The following FSIP2 variants were observed in gnomAD, a reference collection of about 807,000 sequenced individuals.
FSIP2 encodes the protein fibrous sheath-interacting protein 2.
In FSIP2, 367 loss-of-function variants were observed where a neutral mutation model predicts 510.5. That is an observed-to-expected ratio of 0.72 (90% CI 0.66 to 0.78). The LOEUF (loss-of-function observed/expected upper bound fraction) is 0.78. Ranked by LOEUF, FSIP2 falls within the 30% of genes least tolerant of loss-of-function variation. FSIP2 has a pLI of 0.00. For missense variants in FSIP2, 7,594 were observed against 7,901.7 expected (o/e 0.96, Z 1.48); for synonymous variants, 2,601 against 2,732.2 (o/e 0.95, Z 1.50).
At position 185,779,077 on chromosome 2, in the gene FSIP2, T is replaced by G. The variant is rs187038272; in HGVS notation, c.1412-3628T>G. ...AGCTTCTAATCTTAGTGTTATTTGT[T>G]TAGATGCCTCTTGTAGACAATCTAC... On this transcript the variant is annotated intron_variant, in intron 13 of 22. Coordinates refer to ENST00000424728, the MANE Select transcript of FSIP2 (RefSeq NM_173651.4). 4.1e-3 allele frequency among the ~76,000 whole-genome samples: 630 copies of G among 152,116 alleles called. 3 individuals carry two copies. The highest frequency in any genetic ancestry group is 0.014 in the African/African-American group (593 of 41,552).
rs769911939 is a variant in FSIP2, at chr2:185,814,067, T to C, written c.20325+25T>C. On this transcript the variant is annotated intron_variant, in intron 18 of 22. Transcript: ENST00000424728. ...GGTAAGTGATAAGCATGACTGTTAG[T>C]GACTAGAAAGGGGAGACATCTTCAC... 11 of 1,583,594 alleles carry C rather than the reference T, an allele frequency of 6.9e-6. No individual in the cohort carries two copies. The South Asian group carries it at 8.2e-5, about 12-fold the overall frequency.
chr2:185,749,089 T>TC (rs1692092650), intron 7 of FSIP2, among the ~76,000 whole-genome samples: 1 of 152,066 alleles, frequency 6.6e-6, no homozygotes, highest in Non-Finnish European at 1.5e-5. Flanking sequence ...CATGTCAGTC[T>TC]TACACATTTT....
At chr2:185,814,433 A>G (rs1693795397) in intron 18 of FSIP2, among the ~76,000 whole-genome samples, 1 of 152,100 alleles carries the variant, frequency 6.6e-6, no homozygotes, top group Admixed American at 6.6e-5. Context: ...GGAGGAACAA[A>G]ATAAGATCCA....
rs1693554435 is a variant in FSIP2, at chr2:185,805,794, T to G, written c.16488T>G (p.Asn5496Lys). Reference protein sequence around the residue: ...DIQNPVLSSINAIMKSGMINL... With the variant: ...DIQNPVLSSIKAIMKSGMINL... ...AAAATCCAGTACTTAGCTCTATAAATGCAATTATGAAAAGCGGCATGATTA... is the reference window on the plus strand; with the variant it reads ...AAAATCCAGTACTTAGCTCTATAAAGGCAATTATGAAAAGCGGCATGATTA... Residue 5496 changes from asparagine to lysine, a missense_variant, in exon 17 of 23, where the codon AAT (asparagine) becomes AAG (lysine). Transcript: ENST00000424728. The G allele has an allele frequency of 6.2e-7, 1 of 1,603,306 alleles. No homozygotes were observed. The highest frequency in any genetic ancestry group is 8.5e-7 in the Non-Finnish European group (1 of 1,176,470).
In FSIP2 at chr2:185,789,928, C is replaced by A; in HGVS notation, c.2792C>A (p.Thr931Asn). The A allele has an allele frequency of 1.3e-6, 2 of 1,533,574 alleles. No homozygotes were observed. The highest frequency in any genetic ancestry group is 1.7e-6 in the Non-Finnish European group (2 of 1,145,086). The allele number at this position is 1,533,574 out of a possible 1,614,324, so 95.0% of individuals were successfully genotyped here. A position where few individuals can be genotyped will look rare whatever the true frequency, so the allele number is the denominator to read the frequency against. Reference sequence around the variant, plus strand: ...GAGAGAATTATTGCATCTGAAGAAACCGTAGTACTCCTTCAGCTACTTGAG... The same window carrying A: ...GAGAGAATTATTGCATCTGAAGAAAACGTAGTACTCCTTCAGCTACTTGAG... Reference protein sequence around the residue: ...NNERIIASEETVVLLQLLEDI... With the variant: ...NNERIIASEENVVLLQLLEDI... Residue 931 changes from threonine to asparagine, a missense_variant, in exon 16 of 23, where the codon ACC (threonine) becomes AAC (asparagine). Coordinates refer to ENST00000424728, the MANE Select transcript of FSIP2 (RefSeq NM_173651.4).
chr2:185,805,824 A>C lies in FSIP2; in HGVS notation c.16518A>C (p.Leu5506=), dbSNP rs544649665. ...TTATGAAAAGCGGCATGATTAACCT[A>C]ACATCAGGGTTGGCTACAGGTGTGA... is the stretch of plus-strand genomic sequence containing the variant. The part of the protein sequence containing the change: ...NAIMKSGMIN[L]TSGLATGVTN... Residue 5506 remains leucine (L), a synonymous_variant, in exon 17 of 23, where the codon CTA becomes CTC. Transcript: ENST00000424728. 5 of 1,604,538 alleles carry C rather than the reference A, an allele frequency of 3.1e-6. No homozygotes were observed. The South Asian group carries it at 5.6e-5, about 18-fold the overall frequency.
intron 9 of FSIP2, among the ~76,000 whole-genome samples, chr2:185,759,868 A>G (rs956419064): frequency 6.6e-6 from 1 of 150,542 alleles, no homozygotes; most frequent in Non-Finnish European, 1.5e-5. Context: ...TCTTGCTTAA[A>G]TATTTAGCAC....
chr2:185,811,647 G>A (rs1015533970), intron 17 of FSIP2, among the ~76,000 whole-genome samples: 1 of 152,008 alleles, frequency 6.6e-6, no homozygotes, highest in Non-Finnish European at 1.5e-5. Flanking sequence ...TGGAGAAAAG[G>A]CTTCAAAAGC....
At chr2:185,765,300 TG>T (rs2035110204) in intron 13 of FSIP2, 1 of 152,098 alleles carries the variant, frequency 6.6e-6, no homozygotes, top group Admixed American at 6.6e-5. Context: ...CCTCACTTCA[TG>T]TAGTTACTAT....
Position 185,738,988 on chromosome 2 carries a change from A to C in FSIP2, c.94A>C (p.Arg32=), listed in dbSNP as rs1348236835. ...CCTGGCCGCGGACACCCAGCAGTGC[A>C]GAGACGTGAGTGGCCGCAAGCTGGG... is the stretch of plus-strand genomic sequence containing the variant. ...SVLAADTQQC[R]DGVHKTHFAG... Residue 32 remains arginine (R), a synonymous_variant, in exon 1 of 23, where the codon AGA becomes CGA. Transcript: ENST00000424728. 6.5e-7 allele frequency: 1 copy of C among 1,532,670 alleles called. No individual in the cohort carries two copies. Among genetic ancestry groups the C allele is most frequent in the Non-Finnish European group, 8.7e-7 (1 of 1,146,256 alleles). 94.9% of individuals were successfully genotyped at this position (1,532,670 alleles called of 1,614,324 possible).
chr2:185,763,405 C>T (rs1367471597), intron 12 of FSIP2, 116 bp downstream of exon 12: 2 of 632,234 alleles, frequency 3.2e-6, no homozygotes, highest in Non-Finnish European at 5.7e-6. Context: ...ACTTTATTCC[C>T]TGAAATTAGT....
chr2:185,799,772 T>A lies in FSIP2; in HGVS notation c.10466T>A (p.Ile3489Lys). The A allele has an allele frequency of 6.6e-7, 1 of 1,523,124 alleles. No homozygotes were observed. Among genetic ancestry groups the A allele is most frequent in the Non-Finnish European group, 8.8e-7 (1 of 1,139,390 alleles). The allele number at this position is 1,523,124 out of a possible 1,614,324, so 94.4% of individuals were successfully genotyped here. ...GAATCAAAACAGTTCCTAAGAAACA[T>A]ATACGATGATTCTTCAATTTATCAA... is the stretch of plus-strand genomic sequence containing the variant. ...KYESKQFLRNIYDDSSIYQCC... is the reference protein window; with the variant it reads ...KYESKQFLRNKYDDSSIYQCC... Residue 3489 changes from isoleucine to lysine, a missense_variant, in exon 17 of 23, where the codon ATA (isoleucine) becomes AAA (lysine). Ile to Lys is a moderately radical substitution (Grantham distance 102). Transcript: ENST00000424728.
At chr2:185,737,952 AAAAT>A (rs940540110), upstream of FSIP2, among the ~76,000 whole-genome samples, 2 of 152,250 alleles carry the variant, frequency 1.3e-5, no homozygotes, top group South Asian at 2.1e-4. Flanking sequence ...TAAGGCTACT[AAAAT>A]AAATAAATGT....
intron 9 of FSIP2, among the ~76,000 whole-genome samples, chr2:185,758,698 G>C (rs1692293614): frequency 6.6e-6 from 1 of 150,918 alleles, no homozygotes; most frequent in African/African-American, 2.4e-5. Flanking sequence ...TTGCTACCTG[G>C]GAAGACAGGA....
chr2:185,766,863 G>A (rs909341761), intron 13 of FSIP2, among the ~76,000 whole-genome samples: 17 of 124,404 alleles, frequency 1.4e-4, no homozygotes, highest in South Asian at 3.2e-4. Context: ...AAAGACACAC[G>A]CACACGTATG....
rs1464451264 is a variant in FSIP2 at position 185,801,437 on chromosome 2, G to A, written c.12131G>A (p.Ser4044Asn). The A allele has an allele frequency of 1.3e-6, 2 of 1,533,984 alleles. No homozygotes were observed. The highest frequency in any genetic ancestry group is 1.7e-6 in the Non-Finnish European group (2 of 1,145,508). The change falls in exon 17 of 23, where the codon AGC becomes AAC. Residue 4044 changes from serine (S) to asparagine (N), a missense_variant. Ser to Asn is a conservative substitution (Grantham distance 46, BLOSUM62 1). Coordinates refer to ENST00000424728, the MANE Select transcript of FSIP2 (RefSeq NM_173651.4). ...CCACCAGTTCATACAGAAACTGTTA[G>A]CAAAATTGTTGACTCAGTTTATTAT... is the stretch of plus-strand genomic sequence containing the variant. ...CFPPVHTETV[S>N]KIVDSVYYDV... is the part of the protein sequence containing the mutation.
At chr2:185,824,654 C>T (rs1693983506) in intron 20 of FSIP2, among the ~76,000 whole-genome samples, 174 bp downstream of exon 20, 1 of 151,588 alleles carries the variant, frequency 6.6e-6, no homozygotes, top group African/African-American at 2.4e-5. Context: ...AATACTTAGC[C>T]TTGCCTAAAC....
At chr2:185,768,304 C>T (rs1692537841) in intron 13 of FSIP2, among the ~76,000 whole-genome samples, 2 of 152,030 alleles carry the variant, frequency 1.3e-5, no homozygotes, top group Admixed American at 6.6e-5. Context: ...CTTTTATTGC[C>T]TGTGCATTTA....
At position 185,793,817 on chromosome 2, in the gene FSIP2, T is replaced by C. The variant is rs746430697; in HGVS notation, c.6681T>C (p.Asp2227=). The C allele has an allele frequency of 5.9e-6, 9 of 1,532,654 alleles. No individual in the cohort carries two copies. The highest frequency in any genetic ancestry group is 7.9e-6 in the Non-Finnish European group (9 of 1,145,208). 94.9% of individuals were successfully genotyped at this position (1,532,654 alleles called of 1,614,324 possible). A position where few individuals can be genotyped will look rare whatever the true frequency, so the allele number is the denominator to read the frequency against. The stretch of plus-strand genomic sequence containing the variant: ...ATCAGAAATCAGCTTATGCTGATGA[T>C]AATCAGATAACTGTAGTAGAGAAAG... ...SRNQKSAYAD[D]NQITVVEKED... Residue 2227 remains aspartate, a synonymous_variant, in exon 16 of 23, where the codon GAT becomes GAC. Transcript: ENST00000424728.
Sources: gnomAD v4.1 joint callset for allele counts (sites outside exome capture counted in the v4.1 genomes callset) on GRCh38, gnomAD v4.1.1 for gene constraint, MANE v1.5 for transcripts, NCBI Gene and HGNC (gene_info 2026-07-23, HGNC 2026-07-21) for gene names.